Variants in CCNY observed in about 807,000 individuals in gnomAD.
The protein encoded by CCNY is cyclin Y, also known as cyclin-Y.
CCNY carries 19 observed loss-of-function variants against 42.8 expected under a neutral mutation model. That is an observed-to-expected ratio of 0.44 (90% CI 0.31 to 0.65). The LOEUF (loss-of-function observed/expected upper bound fraction) is 0.65, where lower values mean the gene tolerates loss of function less well. CCNY is among the 30% of genes least tolerant of loss of function. The probability of loss-of-function intolerance (pLI) is 0.07; values close to 1 mark genes in which losing one functional copy is unlikely to be tolerated. For synonymous variants in CCNY, 165 were observed against 162.7 expected (o/e 1.01, Z -0.11); for missense variants, 370 against 437.3 (o/e 0.85, Z 1.37).
At chr10:35,286,820 T>C (rs1398352922) in intron 3 of CCNY, among the ~76,000 whole-genome samples, 2 of 151,834 alleles carry the variant, frequency 1.3e-5, no homozygotes, top group Non-Finnish European at 2.9e-5. Context: ...CCATCAAGCC[T>C]GGCTAATTTT....
chr10:35,544,454 C>G (rs1164922364), intron 7 of CCNY, among the ~76,000 whole-genome samples: 2 of 152,120 alleles, frequency 1.3e-5, no homozygotes, highest in Non-Finnish European at 2.9e-5. Flanking sequence ...AATAGTAGGC[C>G]GTAGCACCTG....
At chr10:35,273,548 C>G (rs537420317) in intron 3 of CCNY, among the ~76,000 whole-genome samples, 1 of 152,168 alleles carries the variant, frequency 6.6e-6, no homozygotes, top group African/African-American at 2.4e-5. Context: ...CTTGTACTCT[C>G]TGGCCTGGCA....
At chr10:35,458,541 G>GT (rs745650452) in intron 1 of CCNY, among the ~76,000 whole-genome samples, 7 of 152,230 alleles carry the variant, frequency 4.6e-5, no homozygotes, top group Non-Finnish European at 8.8e-5. Flanking sequence ...TCTGACCAGC[G>GT]TTTTCTCTTA....
At chr10:35,318,696 A>C (rs1835788335) in intron 3 of CCNY, among the ~76,000 whole-genome samples, 1 of 152,092 alleles carries the variant, frequency 6.6e-6, no homozygotes, top group Admixed American at 6.5e-5. Flanking sequence ...CTGTTGGTCT[A>C]TTGGTCATTT....
chr10:35,249,618 G>A (rs920702340), intron 2 of CCNY, among the ~76,000 whole-genome samples: 1 of 152,194 alleles, frequency 6.6e-6, no homozygotes, highest in East Asian at 1.9e-4. Context: ...GGAATGTTCT[G>A]CAGAAAGTGT....
intron 2 of CCNY, among the ~76,000 whole-genome samples, chr10:35,501,296 A>G (rs533705556): frequency 2.0e-5 from 3 of 152,248 alleles, no homozygotes; most frequent in Admixed American, 2.0e-4. Flanking sequence ...TCTTGTTTAA[A>G]TGGATGTATA....
chr10:35,553,414 T>G (rs1841300831), intron 8 of CCNY, among the ~76,000 whole-genome samples: 1 of 152,192 alleles, frequency 6.6e-6, no homozygotes, highest in Non-Finnish European at 1.5e-5. Context: ...CCTGGTTTTG[T>G]GAAACTGGTT....
intron 1 of CCNY, among the ~76,000 whole-genome samples, chr10:35,377,943 A>C (rs1837090862): frequency 3.3e-5 from 5 of 152,212 alleles, no homozygotes; most frequent in Admixed American, 3.3e-4. Context: ...TATGTGAAGA[A>C]AATTCAGCCT....
chr10:35,255,634 G>T (rs966600260), intron 3 of CCNY, among the ~76,000 whole-genome samples: 1 of 151,806 alleles, frequency 6.6e-6, no homozygotes, highest in African/African-American at 2.4e-5. Context: ...TCTCTCTGCC[G>T]CCCAGGCTGG....
chr10:35,344,345 G>A lies in CCNY; in HGVS notation c.154+7138G>A, dbSNP rs371445473. Among the ~76,000 whole-genome samples, 30 of 152,192 alleles carry A rather than the reference G, an allele frequency of 2.0e-4. 1 individual carries two copies. Among genetic ancestry groups the A allele is most frequent in the African/African-American group, 6.7e-4 (28 of 41,518 alleles). On this transcript the variant is annotated intron_variant, in intron 1 of 9. Coordinates refer to ENST00000374704, the MANE Select transcript of CCNY (RefSeq NM_145012.6). The stretch of plus-strand genomic sequence containing the variant: ...GTTCTACTTTTACTGAGGGGCCTCC[G>A]TCCTGCTGAGCCTCACCTTCCTCTT...
chr10:35,489,900 A>G (rs1003820759), intron 2 of CCNY, among the ~76,000 whole-genome samples: 3 of 152,142 alleles, frequency 2.0e-5, no homozygotes, highest in South Asian at 4.1e-4. Context: ...TATATCTACT[A>G]CTCTTTACAT....
chr10:35,560,249 G>A (rs1841440237), intron 8 of CCNY, among the ~76,000 whole-genome samples: 1 of 152,178 alleles, frequency 6.6e-6, no homozygotes, highest in Non-Finnish European at 1.5e-5. Flanking sequence ...AGATGGACAT[G>A]AATTCTGAAG....
At chr10:35,311,947 C>A (rs776223937) in intron 3 of CCNY, among the ~76,000 whole-genome samples, 2 of 152,118 alleles carry the variant, frequency 1.3e-5, no homozygotes, top group Non-Finnish European at 2.9e-5. Flanking sequence ...GATTATGCCA[C>A]TGCACTCCAG....
rs1323694552 is a variant in CCNY at position 35,265,292 on chromosome 10, C to T, written c.-9+14666C>T. On this transcript the variant is annotated intron_variant, in intron 3 of 11. Transcript: ENST00000374706. ...TAATGTGAAGAAATAATTCCGGCAT[C>T]TTACGTACTAATCTCATTCTTTCCT... is the stretch of plus-strand genomic sequence containing the variant. 3.3e-5 allele frequency among the ~76,000 whole-genome samples: 5 copies of T among 152,174 alleles called. No homozygotes were observed. In the South Asian group the frequency reaches 1.0e-3, roughly 32 times the overall value.
intron 1 of CCNY, among the ~76,000 whole-genome samples, chr10:35,477,627 G>T (rs1327470260): frequency 1.3e-5 from 2 of 150,856 alleles, no homozygotes; most frequent in Non-Finnish European, 3.0e-5. Flanking sequence ...AGGTATTGAT[G>T]GGACATATTT....
At chr10:35,457,163 C>A (rs1839055351) in intron 1 of CCNY, among the ~76,000 whole-genome samples, 1 of 152,146 alleles carries the variant, frequency 6.6e-6, no homozygotes, top group African/African-American at 2.4e-5. Context: ...AAAAATCTTA[C>A]TTAGTTTCTT....
At chr10:35,351,056 G>A (rs1190070304) in intron 1 of CCNY, among the ~76,000 whole-genome samples, 2 of 152,146 alleles carry the variant, frequency 1.3e-5, no homozygotes, top group Non-Finnish European at 2.9e-5. Context: ...TGTCCATATA[G>A]CACACAACTT....
At chr10:35,476,560 A>G (rs1228173105) in intron 1 of CCNY, among the ~76,000 whole-genome samples, 2 of 152,010 alleles carry the variant, frequency 1.3e-5, no homozygotes, top group East Asian at 3.8e-4. Flanking sequence ...AAATGAAGGC[A>G]GAAATAAAGA....
At chr10:35,499,390 A>G (rs1470151137) in intron 2 of CCNY, among the ~76,000 whole-genome samples, 1 of 152,126 alleles carries the variant, frequency 6.6e-6, no homozygotes, top group Non-Finnish European at 1.5e-5. Flanking sequence ...ACAGCATGGG[A>G]AAGACCTGCC....
Sources: gnomAD v4.1 joint callset for allele counts (sites outside exome capture counted in the v4.1 genomes callset) on GRCh38, gnomAD v4.1.1 for gene constraint, MANE v1.5 for transcripts, NCBI Gene and HGNC (gene_info 2026-07-23, HGNC 2026-07-21) for gene names.